Variants in PTPRT observed in about 807,000 individuals in gnomAD.
PTPRT encodes protein tyrosine phosphatase receptor type T.
PTPRT carries 56 observed loss-of-function variants against 176.8 expected under a neutral mutation model. The observed-to-expected ratio is 0.32, with a 90% CI of 0.26 to 0.40. PTPRT has a LOEUF of 0.40. Among genes scored for constraint, PTPRT ranks in the 10% least tolerant of loss-of-function variants. The pLI, the probability that PTPRT is intolerant of heterozygous loss-of-function variation, is 1.00. For synonymous variants in PTPRT, 783 were observed against 739.0 expected (o/e 1.06, Z -0.96); for missense variants, 1,540 against 1,908.2 (o/e 0.81, Z 3.60).
intron 17 of PTPRT, among the ~76,000 whole-genome samples, chr20:42,152,326 A>T (rs562410555): frequency 1.3e-5 from 2 of 152,358 alleles, no homozygotes; most frequent in African/African-American, 4.8e-5. Context: ...AGGATGACTA[A>T]TGACGTCTAT....
At chr20:43,074,369 A>C (rs1282872556) in intron 1 of PTPRT, among the ~76,000 whole-genome samples, 3 of 152,224 alleles carry the variant, frequency 2.0e-5, no homozygotes, top group Non-Finnish European at 4.4e-5. Flanking sequence ...GATCTCCAAC[A>C]ATCTCAGCAT....
At position 42,812,777 on chromosome 20, in the gene PTPRT, C is replaced by T. The variant is rs550962325; in HGVS notation, c.215-21311G>A. Among the ~76,000 whole-genome samples, 3 of 152,148 alleles carry T rather than the reference C, an allele frequency of 2.0e-5. No homozygotes were observed. In the East Asian group the frequency reaches 5.8e-4, roughly 29 times the overall value. ...AATTGGGAATACTAATTGTATTAAC[C>T]TCAAATTGTTGTGAAAAATTAATTC... is the stretch of plus-strand genomic sequence containing the variant. On this transcript the variant is annotated intron_variant, in intron 2 of 30. Transcript: ENST00000373187.
At chr20:42,386,584 C>T (rs1336202385) in intron 9 of PTPRT, among the ~76,000 whole-genome samples, 1 of 152,198 alleles carries the variant, frequency 6.6e-6, no homozygotes, top group Non-Finnish European at 1.5e-5. Context: ...TTCATACCTT[C>T]ATAACGATCC....
At chr20:43,130,444 C>G (rs2013608956) in intron 1 of PTPRT, among the ~76,000 whole-genome samples, 1 of 152,084 alleles carries the variant, frequency 6.6e-6, no homozygotes, top group African/African-American at 2.4e-5. Flanking sequence ...AAGGCCAAAC[C>G]CATGACCTAC....
intron 1 of PTPRT, among the ~76,000 whole-genome samples, chr20:43,164,281 C>A (rs996603435): frequency 3.3e-5 from 5 of 152,160 alleles, no homozygotes; most frequent in Admixed American, 2.0e-4. Context: ...TGCAGTCTTT[C>A]AACATTTGTA....
intron 1 of PTPRT, among the ~76,000 whole-genome samples, chr20:42,926,533 A>C (rs796816414): frequency 1.3e-5 from 2 of 152,288 alleles, no homozygotes; most frequent in African/African-American, 4.8e-5. Flanking sequence ...CCTCCACCAG[A>C]AGTACTTTCC....
intron 1 of PTPRT, among the ~76,000 whole-genome samples, chr20:43,151,481 C>G (rs1329181177): frequency 6.6e-6 from 1 of 152,138 alleles, no homozygotes; most frequent in Non-Finnish European, 1.5e-5. Flanking sequence ...GAAACTGAAT[C>G]CAGGAACTGA....
chr20:42,559,985 GA>G (rs1211454601), intron 7 of PTPRT, among the ~76,000 whole-genome samples: 1 of 152,154 alleles, frequency 6.6e-6, no homozygotes, highest in African/African-American at 2.4e-5. Context: ...TGAACCCAGA[GA>G]AATCTCCCAC....
intron 2 of PTPRT, among the ~76,000 whole-genome samples, chr20:42,882,026 C>T (rs796130967): frequency 1.7e-4 from 26 of 152,056 alleles, no homozygotes; most frequent in African/African-American, 5.6e-4. Flanking sequence ...GATTAAGTCC[C>T]AAAATGACAT....
intron 9 of PTPRT, among the ~76,000 whole-genome samples, chr20:42,384,295 A>G (rs961943785): frequency 6.6e-6 from 1 of 152,234 alleles, no homozygotes; most frequent in African/African-American, 2.4e-5. Context: ...TGTCACACAT[A>G]CCAGTGTAGA....
At chr20:42,161,974 G>T (rs1989622631) in intron 16 of PTPRT, among the ~76,000 whole-genome samples, 1 of 152,102 alleles carries the variant, frequency 6.6e-6, no homozygotes, top group Admixed American at 6.5e-5. Context: ...GGTACTCGAA[G>T]ATTGGAGTCA....
chr20:42,806,803 A>G (rs927009534), intron 2 of PTPRT, among the ~76,000 whole-genome samples: 1 of 152,146 alleles, frequency 6.6e-6, no homozygotes. Context: ...GTACCAGGCA[A>G]ATACTAAATT....
intron 1 of PTPRT, among the ~76,000 whole-genome samples, chr20:43,061,117 T>TGGATGGAC (rs1251212570): frequency 6.6e-6 from 1 of 151,528 alleles, no homozygotes. Context: ...GATGGATGGA[T>TGGATGGAC]GGATGGTCAG....
intron 1 of PTPRT, among the ~76,000 whole-genome samples, chr20:42,920,208 G>A (rs550741386): frequency 5.3e-5 from 8 of 152,110 alleles, no homozygotes; most frequent in African/African-American, 1.4e-4. Flanking sequence ...TCCTTGCCAC[G>A]GAATATTACC....
intron 2 of PTPRT, among the ~76,000 whole-genome samples, chr20:42,850,751 G>A (rs1370671998): frequency 6.6e-6 from 1 of 152,102 alleles, no homozygotes; most frequent in Non-Finnish European, 1.5e-5. Context: ...GAGGCCCATG[G>A]GCTTATCTGC....
intron 1 of PTPRT, among the ~76,000 whole-genome samples, chr20:43,033,919 C>T (rs975766276): frequency 6.6e-6 from 1 of 152,212 alleles, no homozygotes; most frequent in Non-Finnish European, 1.5e-5. Flanking sequence ...CCTGACCACC[C>T]TGCTGCCTCT....
chr20:42,275,633 G>T (rs575878779), intron 13 of PTPRT, among the ~76,000 whole-genome samples: 1 of 152,108 alleles, frequency 6.6e-6, no homozygotes, highest in Admixed American at 6.6e-5. Context: ...AGAGAGATGT[G>T]CCAGCTGTTG....
chr20:42,057,908 A>G, the PTPRT span, among the ~76,000 whole-genome samples: 3 of 152,204 alleles, frequency 2.0e-5, no homozygotes, highest in Non-Finnish European at 4.4e-5. Flanking sequence ...TATAGCCCTC[A>G]TTAAGATAAA....
chr20:43,056,088 G>A (rs1987222330), intron 1 of PTPRT, among the ~76,000 whole-genome samples: 2 of 152,150 alleles, frequency 1.3e-5, no homozygotes, highest in Admixed American at 6.5e-5. Flanking sequence ...TGTCTTGGAT[G>A]AACAAGAAGA....
Sources: gnomAD v4.1 joint callset for allele counts (sites outside exome capture counted in the v4.1 genomes callset) on GRCh38, gnomAD v4.1.1 for gene constraint, MANE v1.5 for transcripts, NCBI Gene and HGNC (gene_info 2026-07-23, HGNC 2026-07-21) for gene names.